The following CNTNAP2 variants were observed in gnomAD, a reference collection of about 807,000 sequenced individuals.
CNTNAP2 encodes contactin-associated protein-like 2.
In CNTNAP2, 98 loss-of-function variants were observed where a neutral mutation model predicts 155.2. The ratio of observed to expected loss-of-function variants is 0.63; its 90% CI spans 0.54 to 0.75. CNTNAP2 has a LOEUF of 0.75. Among genes scored for constraint, CNTNAP2 ranks in the 30% least tolerant of loss-of-function variants. The pLI, the probability that CNTNAP2 is intolerant of heterozygous loss-of-function variation, is 0.00. For missense variants in CNTNAP2, 1,727 were observed against 1,688.1 expected, an observed-to-expected ratio of 1.02 and a Z score of -0.40; for synonymous variants, 651 against 631.2, an observed-to-expected ratio of 1.03 and a Z score of -0.47.
At chr7:146,940,429 G>A (rs907032234) in intron 3 of CNTNAP2, among the ~76,000 whole-genome samples, 4 of 151,896 alleles carry the variant, frequency 2.6e-5, no homozygotes, top group Non-Finnish European at 5.9e-5. Context: ...TCCTGACCTC[G>A]TGATCTGCCT....
Position 148,261,210 on chromosome 7 carries a change from G to T in CNTNAP2, c.3382-5823G>T, listed in dbSNP as rs186573241. Among the ~76,000 whole-genome samples the T allele has an allele frequency of 1.8e-3, 277 of 151,888 alleles. 3 individuals are homozygous for T. Among genetic ancestry groups the T allele is most frequent in the African/African-American group, 6.5e-3 (269 of 41,460 alleles). ...TGGAGTCTCACTCTCACCCAGGCTG[G>T]AGTGCAGTGGCACCATCTCGGCTCA... On this transcript the variant is annotated intron_variant, in intron 20 of 23. Coordinates refer to ENST00000361727, the MANE Select transcript of CNTNAP2 (RefSeq NM_014141.6).
At chr7:148,322,014 A>G (rs979025745) in intron 21 of CNTNAP2, among the ~76,000 whole-genome samples, 6 of 151,142 alleles carry the variant, frequency 4.0e-5, no homozygotes, top group Non-Finnish European at 8.8e-5. Flanking sequence ...AGAGATTCTC[A>G]TGCCTCAGCA....
intron 21 of CNTNAP2, among the ~76,000 whole-genome samples, chr7:148,358,190 G>A (rs1798553312): frequency 6.6e-6 from 1 of 152,218 alleles, no homozygotes; most frequent in African/African-American, 2.4e-5. Context: ...GGGGCTGGGA[G>A]AAGCAGGGTG....
intron 12 of CNTNAP2, among the ~76,000 whole-genome samples, chr7:147,591,978 T>A (rs1187035042): frequency 6.6e-6 from 1 of 152,250 alleles, no homozygotes; most frequent in Non-Finnish European, 1.5e-5. Flanking sequence ...ATGTCATCTA[T>A]GAAAAACATT....
intron 1 of CNTNAP2, among the ~76,000 whole-genome samples, chr7:146,118,286 T>C (rs1467456731): frequency 1.3e-5 from 2 of 152,204 alleles, no homozygotes; most frequent in Non-Finnish European, 2.9e-5. Context: ...AATCTAAGTT[T>C]GTAATGAACT....
Position 146,893,444 on chromosome 7 carries a change from T to C in CNTNAP2, c.402+53540T>C, listed in dbSNP as rs549593183. Among the ~76,000 whole-genome samples the C allele has an allele frequency of 6.1e-5, 9 of 146,824 alleles. No homozygotes were observed. The South Asian group carries it at 1.9e-3, about 32-fold the overall frequency. The stretch of plus-strand genomic sequence containing the variant: ...GTATATATACATATGTGTGTGTATG[T>C]ATATATGTGTGTGTGTATATATATA... On this transcript the variant is annotated intron_variant, in intron 3 of 23. Coordinates refer to ENST00000361727, the MANE Select transcript of CNTNAP2 (RefSeq NM_014141.6).
chr7:146,507,277 A>G (rs2129134494), intron 1 of CNTNAP2, among the ~76,000 whole-genome samples: 1 of 152,310 alleles, frequency 6.6e-6, no homozygotes, highest in South Asian at 2.1e-4. Flanking sequence ...AGTTGGGACC[A>G]AAAGCCTACT....
At chr7:146,445,521 A>T (rs1796390372) in intron 1 of CNTNAP2, among the ~76,000 whole-genome samples, 1 of 152,190 alleles carries the variant, frequency 6.6e-6, no homozygotes, top group Non-Finnish European at 1.5e-5. Flanking sequence ...TAAGTACAGG[A>T]TGGAGGGAAA....
At chr7:147,074,965 T>C (rs192642729) in intron 4 of CNTNAP2, among the ~76,000 whole-genome samples, 183 of 152,210 alleles carry the variant, frequency 1.2e-3, no homozygotes, top group African/African-American at 4.1e-3. Flanking sequence ...AGGGTCCAGA[T>C]TGTGGATGAG....
In CNTNAP2 at chr7:148,365,724, G is replaced by T. The variant is rs1344418777; in HGVS notation, c.3476-17925G>T. ...TATACTTTTATATATATGTATACGT[G>T]TATATATGTATGTGTATACATGTAT... On this transcript the variant is annotated intron_variant, in intron 21 of 23. Coordinates refer to ENST00000361727, the MANE Select transcript of CNTNAP2 (RefSeq NM_014141.6). Among the ~76,000 whole-genome samples the T allele has an allele frequency of 2.5e-3, 120 of 47,670 alleles. 30 individuals are homozygous for T. Among genetic ancestry groups the T allele is most frequent in the African/African-American group, 6.0e-3 (117 of 19,376 alleles). 31.3% of individuals were successfully genotyped at this position (47,670 alleles called of 152,430 possible).
intron 3 of CNTNAP2, among the ~76,000 whole-genome samples, chr7:147,004,319 A>G (rs1168192508): frequency 6.6e-6 from 1 of 151,766 alleles, no homozygotes; most frequent in Non-Finnish European, 1.5e-5. Flanking sequence ...TGAAACTTAA[A>G]CAACAAATGA....
At chr7:146,326,280 C>T (rs1801096221) in intron 1 of CNTNAP2, among the ~76,000 whole-genome samples, 1 of 418 alleles carries the variant, frequency 2.4e-3, no homozygotes, top group Admixed American at 0.056. Flanking sequence ...ATTTTTCACT[C>T]ATTTATATAC....
intron 8 of CNTNAP2, among the ~76,000 whole-genome samples, chr7:147,260,812 T>C (rs1299327437): frequency 1.3e-5 from 2 of 152,180 alleles, no homozygotes; most frequent in Non-Finnish European, 2.9e-5. Context: ...ACGCGGAAAT[T>C]CAATGATAGT....
At chr7:147,888,809 C>A in intron 13 of CNTNAP2, among the ~76,000 whole-genome samples, 1 of 111,726 alleles carries the variant, frequency 9.0e-6, no homozygotes, top group South Asian at 2.9e-4. Flanking sequence ...CTTTTTAGGA[C>A]AAAATAATGA....
rs116395613 is a variant in CNTNAP2, at chr7:148,403,065, G to T, written c.3716-6326G>T. Reference sequence around the variant, plus strand: ...AACTTTACTCTCTCCTTATTCACTAGGACAGACAAACATACTTCTCCTTGG... The same window carrying T: ...AACTTTACTCTCTCCTTATTCACTATGACAGACAAACATACTTCTCCTTGG... On this transcript the variant is annotated intron_variant, in intron 22 of 23. Coordinates refer to ENST00000361727, the MANE Select transcript of CNTNAP2 (RefSeq NM_014141.6). Among the ~76,000 whole-genome samples, 478 of 148,102 alleles carry T rather than the reference G, an allele frequency of 3.2e-3. 117 individuals carry two copies. The highest frequency in any genetic ancestry group is 0.011 in the African/African-American group (448 of 39,670).
rs1045506378 is a variant in CNTNAP2 at position 146,200,323 on chromosome 7, A to G, written c.97+83350A>G. On this transcript the variant is annotated intron_variant, in intron 1 of 23. Transcript: ENST00000361727. ...ATCCTGGCCCACATGGTGAAACCCC[A>G]TCTCTACTAAAAATACAAAAATTAG... Among the ~76,000 whole-genome samples, 24 of 152,000 alleles carry G rather than the reference A, an allele frequency of 1.6e-4. 1 individual carries two copies. The highest frequency in any genetic ancestry group is 2.0e-4 in the Admixed American group (3 of 15,252).
At chr7:146,292,863 G>A (rs755172777) in intron 1 of CNTNAP2, among the ~76,000 whole-genome samples, 3 of 152,106 alleles carry the variant, frequency 2.0e-5, no homozygotes, top group Non-Finnish European at 4.4e-5. Flanking sequence ...GTGGTTATCC[G>A]AGACGCTGGG....
intron 1 of CNTNAP2, among the ~76,000 whole-genome samples, chr7:146,155,777 A>G (rs144343859): frequency 0.033 from 4,996 of 151,534 alleles, 282 homozygotes; most frequent in African/African-American, 0.12. Flanking sequence ...TTGGCTCACT[A>G]CAACCTCCTC....
Position 146,745,782 on chromosome 7 carries a change from G to A in CNTNAP2, c.98-28489G>A, listed in dbSNP as rs77922918. Among the ~76,000 whole-genome samples, 158 of 112,290 alleles carry A rather than the reference G, an allele frequency of 1.4e-3. 7 individuals carry two copies. Among genetic ancestry groups the A allele is most frequent in the South Asian group, 3.7e-3 (8 of 2,152 alleles). The allele number at this position is 112,290 out of a possible 152,430, so 73.7% of individuals were successfully genotyped here. A position where few individuals can be genotyped will look rare whatever the true frequency, so the allele number is the denominator to read the frequency against. ...TCCATCTGAAAAAAAAAAAAAAAAAGAGGTCTGTTAAGGGTAACATTTGCC... is the reference window on the plus strand; with the variant it reads ...TCCATCTGAAAAAAAAAAAAAAAAAAAGGTCTGTTAAGGGTAACATTTGCC... On this transcript the variant is annotated intron_variant, in intron 1 of 23. Transcript: ENST00000361727.
Sources: gnomAD v4.1 joint callset for allele counts (sites outside exome capture counted in the v4.1 genomes callset) on GRCh38, gnomAD v4.1.1 for gene constraint, MANE v1.5 for transcripts, NCBI Gene and HGNC (gene_info 2026-07-23, HGNC 2026-07-21) for gene names.